LHFPL6: variants seen among roughly 807,000 people sequenced by gnomAD.
LHFPL6 encodes the protein LHFPL tetraspan subfamily member 6 protein.
A neutral mutation model predicts 20.6 loss-of-function variants in LHFPL6; 9 were observed. The ratio of observed to expected loss-of-function variants is 0.44; its 90% CI spans 0.26 to 0.76. LHFPL6 has a LOEUF of 0.76. Ranked by LOEUF, LHFPL6 falls within the 30% of genes least tolerant of loss-of-function variation. The pLI, the probability that LHFPL6 is intolerant of heterozygous loss-of-function variation, is 0.20. For missense variants in LHFPL6, 218 were observed against 253.5 expected (o/e 0.86, Z 0.95); for synonymous variants, 105 against 98.7 (o/e 1.06, Z -0.38).
At chr13:39,592,873 G>A (rs137941793) in intron 2 of LHFPL6, among the ~76,000 whole-genome samples, 4,290 of 152,188 alleles carry the variant, frequency 0.028, 118 homozygotes, top group African/African-American at 0.072. Flanking sequence ...GACAAAAACC[G>A]TATGATTATC....
At chr13:39,410,731 C>A (rs532542363) in intron 2 of LHFPL6, among the ~76,000 whole-genome samples, 2 of 152,334 alleles carry the variant, frequency 1.3e-5, no homozygotes, top group South Asian at 4.1e-4. Flanking sequence ...GACACCCCCA[C>A]TGAGATGATC....
At chr13:39,459,532 TTTAACA>T (rs1443548997) in intron 2 of LHFPL6, among the ~76,000 whole-genome samples, 1 of 152,082 alleles carries the variant, frequency 6.6e-6, no homozygotes, top group African/African-American at 2.4e-5. Flanking sequence ...TTTTCAATAC[TTTAACA>T]TTAAGGAGAA....
At chr13:39,480,245 C>G (rs1421720152) in intron 2 of LHFPL6, among the ~76,000 whole-genome samples, 1 of 152,100 alleles carries the variant, frequency 6.6e-6, no homozygotes, top group Non-Finnish European at 1.5e-5. Context: ...TACTGTTAAC[C>G]TCCTGGATAA....
At chr13:39,401,018 T>C (rs1370502416) in intron 2 of LHFPL6, among the ~76,000 whole-genome samples, 1 of 152,118 alleles carries the variant, frequency 6.6e-6, no homozygotes, top group Non-Finnish European at 1.5e-5. Context: ...CATCCTATAA[T>C]TAACATATAG....
In LHFPL6 at chr13:39,505,047, C is replaced by T. The variant is rs575781825; in HGVS notation, c.385+95785G>A. Among the ~76,000 whole-genome samples the T allele has an allele frequency of 4.6e-5, 7 of 152,308 alleles. No homozygotes were observed. In the South Asian group the frequency reaches 1.2e-3, roughly 27 times the overall value. The stretch of plus-strand genomic sequence containing the variant: ...CTTGTATGTTCCCCCAAAGCTTAGG[C>T]TTCTTTCCTAGATCTTTCATTTTAG... On this transcript the variant is annotated intron_variant, in intron 2 of 3. Coordinates refer to ENST00000379589, the MANE Select transcript of LHFPL6 (RefSeq NM_005780.3).
chr13:39,372,921 A>C (rs1173629540), intron 3 of LHFPL6, among the ~76,000 whole-genome samples: 1 of 152,184 alleles, frequency 6.6e-6, no homozygotes, highest in Non-Finnish European at 1.5e-5. Context: ...ACAGGGAAGC[A>C]GTACATAAAG....
At chr13:39,510,688 A>C (rs1217473723) in intron 2 of LHFPL6, among the ~76,000 whole-genome samples, 1 of 152,200 alleles carries the variant, frequency 6.6e-6, no homozygotes, top group Non-Finnish European at 1.5e-5. Context: ...GAAAGTCAGG[A>C]GTTACAGAAC....
chr13:39,542,119 TAA>T (rs1336749768), intron 2 of LHFPL6, among the ~76,000 whole-genome samples: 6 of 144,544 alleles, frequency 4.2e-5, no homozygotes, highest in African/African-American at 1.5e-4. Flanking sequence ...ATAATAATAA[TAA>T]TAATAATAAT....
At chr13:39,590,265 A>G (rs1872558043) in intron 2 of LHFPL6, among the ~76,000 whole-genome samples, 2 of 152,214 alleles carry the variant, frequency 1.3e-5, no homozygotes, top group African/African-American at 4.8e-5. Flanking sequence ...ATAAATTAGG[A>G]AAATATTGAA....
chr13:39,380,471 A>G (rs1323482482), intron 2 of LHFPL6, among the ~76,000 whole-genome samples: 1 of 151,162 alleles, frequency 6.6e-6, no homozygotes, highest in East Asian at 1.9e-4. Context: ...TCACATTACC[A>G]CATGAGCTCT....
At position 39,569,123 on chromosome 13, in the gene LHFPL6, A is replaced by G. The variant is rs80148066; in HGVS notation, c.385+31709T>C. On this transcript the variant is annotated intron_variant, in intron 2 of 3. Coordinates refer to ENST00000379589, the MANE Select transcript of LHFPL6 (RefSeq NM_005780.3). ...TTCTGGCACACAATAGAGGCTTAGTAAACACGGATGGATGGATGGATGGAT... is the reference window on the plus strand; with the variant it reads ...TTCTGGCACACAATAGAGGCTTAGTGAACACGGATGGATGGATGGATGGAT... Among the ~76,000 whole-genome samples the G allele has an allele frequency of 5.3e-5, 8 of 151,726 alleles. No individual in the cohort carries two copies. The East Asian group carries it at 1.2e-3, about 22-fold the overall frequency.
chr13:39,503,088 A>G (rs1220126100), intron 2 of LHFPL6, among the ~76,000 whole-genome samples: 1 of 152,074 alleles, frequency 6.6e-6, no homozygotes, highest in Non-Finnish European at 1.5e-5. Flanking sequence ...CAATCCATAC[A>G]TATGTGAGTC....
chr13:39,344,228 T>A (rs916760236), intron 3 of LHFPL6, among the ~76,000 whole-genome samples, 174 bp from the exon 4 acceptor site: 3 of 152,180 alleles, frequency 2.0e-5, no homozygotes, highest in East Asian at 3.9e-4. Flanking sequence ...AAAGCAAGAA[T>A]GGCTGGATGC....
chr13:39,391,895 G>A (rs1369933300), intron 2 of LHFPL6, among the ~76,000 whole-genome samples: 1 of 152,162 alleles, frequency 6.6e-6, no homozygotes, highest in Non-Finnish European at 1.5e-5. Flanking sequence ...AAACCATCTG[G>A]AATAGCTGAC....
At chr13:39,360,414 A>G (rs1869847287) in intron 3 of LHFPL6, among the ~76,000 whole-genome samples, 1 of 98,086 alleles carries the variant, frequency 1.0e-5, no homozygotes, top group Admixed American at 1.2e-4. Context: ...TTCATCAGTA[A>G]GAACTGACAC....
At chr13:39,454,013 G>C (rs1872512345) in intron 2 of LHFPL6, among the ~76,000 whole-genome samples, 1 of 125,876 alleles carries the variant, frequency 7.9e-6, no homozygotes, top group African/African-American at 2.8e-5. Flanking sequence ...CATCCCCTAG[G>C]CAAATGCAAT....
At chr13:39,501,240 T>A (rs905423123) in intron 2 of LHFPL6, among the ~76,000 whole-genome samples, 4 of 152,198 alleles carry the variant, frequency 2.6e-5, no homozygotes, top group African/African-American at 9.7e-5. Context: ...TGATTCCCAG[T>A]CCAGGGTTCT....
chr13:39,520,696 A>T (rs1870081051), intron 2 of LHFPL6, among the ~76,000 whole-genome samples: 1 of 152,150 alleles, frequency 6.6e-6, no homozygotes, highest in Non-Finnish European at 1.5e-5. Context: ...GCCAGACAAC[A>T]ACAGCGATGG....
chr13:39,459,636 A>AT (rs1872646283), intron 2 of LHFPL6, among the ~76,000 whole-genome samples: 1 of 152,044 alleles, frequency 6.6e-6, no homozygotes. Flanking sequence ...GGGATATGAC[A>AT]TTTTTCTTGG....
Sources: allele counts gnomAD v4.1 joint callset (sites outside exome capture counted in the v4.1 genomes callset), GRCh38; gene constraint gnomAD v4.1.1; transcripts MANE v1.5; gene names NCBI Gene and HGNC (gene_info 2026-07-23, HGNC 2026-07-21).